Variants in GRID1 observed in about 807,000 individuals in gnomAD.
GRID1 encodes the protein glutamate ionotropic receptor delta type subunit 1.
GRID1 carries 28 observed loss-of-function variants against 98.0 expected under a neutral mutation model. That is an observed-to-expected ratio of 0.29 (90% CI 0.21 to 0.39). The LOEUF is 0.39. Ranked by LOEUF, GRID1 falls within the 10% of genes least tolerant of loss-of-function variation. The pLI is 1.00. For synonymous variants in GRID1, 553 were observed against 538.5 expected, an observed-to-expected ratio of 1.03 and a Z score of -0.37; for missense variants, 1,111 against 1,340.5, an observed-to-expected ratio of 0.83 and a Z score of 2.67.
chr10:85,720,759 A>C (rs535195283), intron 12 of GRID1, among the ~76,000 whole-genome samples: 62 of 152,292 alleles, frequency 4.1e-4, no homozygotes, highest in African/African-American at 1.5e-3. Flanking sequence ...TGTAAAATGC[A>C]AACGTTTTCA....
intron 8 of GRID1, among the ~76,000 whole-genome samples, chr10:85,853,037 G>A (rs924257803): frequency 1.3e-5 from 2 of 152,008 alleles, no homozygotes; most frequent in Admixed American, 6.6e-5. Context: ...CATCAGAGTG[G>A]GCTAAAAATC....
At chr10:85,880,302 G>T (rs1370902437) in intron 5 of GRID1, among the ~76,000 whole-genome samples, 10 of 152,010 alleles carry the variant, frequency 6.6e-5, no homozygotes, top group Admixed American at 6.6e-4. Flanking sequence ...TACCAAAGCT[G>T]GGCAGAGACA....
chr10:86,106,776 A>G (rs1347967824), intron 4 of GRID1, among the ~76,000 whole-genome samples: 1 of 152,148 alleles, frequency 6.6e-6, no homozygotes, highest in Non-Finnish European at 1.5e-5. Context: ...GCAGGACTGC[A>G]TGGCCGCTGG....
chr10:86,119,779 T>C (rs1844638986), intron 4 of GRID1, among the ~76,000 whole-genome samples: 2 of 152,012 alleles, frequency 1.3e-5, no homozygotes, highest in African/African-American at 4.8e-5. Context: ...TGGTTCCCAC[T>C]GTTGTGTTTT....
chr10:86,249,820 T>C (rs1457373721), intron 2 of GRID1, among the ~76,000 whole-genome samples: 4 of 152,202 alleles, frequency 2.6e-5, no homozygotes, highest in African/African-American at 9.7e-5. Flanking sequence ...CTCCCCACAA[T>C]AGAACCTTCC....
Position 86,195,076 on chromosome 10 carries a change from C to G in GRID1, c.520+11288G>C, listed in dbSNP as rs929373006. On this transcript the variant is annotated intron_variant, in intron 3 of 15. Coordinates refer to ENST00000327946, the MANE Select transcript of GRID1 (RefSeq NM_017551.3). The surrounding 1 kb of genome is among the most constrained non-coding windows in gnomAD (Gnocchi z 4.4). ...CCAGAACGCACAACCCTTGCTATGACCCGCTTCAAGTCTGGCCCAGAGGAA... is the reference window on the plus strand; with the variant it reads ...CCAGAACGCACAACCCTTGCTATGAGCCGCTTCAAGTCTGGCCCAGAGGAA... 1.3e-5 allele frequency among the ~76,000 whole-genome samples: 2 copies of G among 152,108 alleles called. No individual in the cohort carries two copies. Among genetic ancestry groups the G allele is most frequent in the South Asian group, 2.1e-4 (1 of 4,830 alleles).
At chr10:85,818,121 C>A (rs1842732340) in intron 8 of GRID1, among the ~76,000 whole-genome samples, 1 of 152,080 alleles carries the variant, frequency 6.6e-6, no homozygotes, top group African/African-American at 2.4e-5. Flanking sequence ...AAAGGTTGGA[C>A]AAATAAGTAA....
intron 8 of GRID1, among the ~76,000 whole-genome samples, chr10:85,850,828 C>T (rs1399939712): frequency 1.3e-5 from 2 of 152,170 alleles, no homozygotes; most frequent in Non-Finnish European, 2.9e-5. Context: ...TCTGAAGAAA[C>T]AAAGGTTCAG....
At chr10:86,130,298 G>A (rs1564684414) in intron 4 of GRID1, among the ~76,000 whole-genome samples, 1 of 152,236 alleles carries the variant, frequency 6.6e-6, no homozygotes, top group Non-Finnish European at 1.5e-5. Context: ...TACCAGTGAT[G>A]TAGACAGGAG....
intron 4 of GRID1, among the ~76,000 whole-genome samples, chr10:85,986,369 T>G (rs1265922353): frequency 6.6e-6 from 1 of 152,222 alleles, no homozygotes; most frequent in African/African-American, 2.4e-5. Context: ...ACTGGAGCAG[T>G]CAGTCCAAGA....
chr10:85,831,337 G>C (rs999993643), intron 8 of GRID1, among the ~76,000 whole-genome samples: 1 of 152,118 alleles, frequency 6.6e-6, no homozygotes, highest in African/African-American at 2.4e-5. Flanking sequence ...CAGGTACTAT[G>C]CTAATTACCT....
In GRID1 at chr10:85,752,790, T is replaced by A. The variant is rs187007862; in HGVS notation, c.1234-23176A>T. The stretch of plus-strand genomic sequence containing the variant: ...TTTCATATTGTAAGCTATGTTTGCC[T>A]TTATTAATATTTTCAATCTGTCCAT... On this transcript the variant is annotated intron_variant, in intron 8 of 15. Transcript: ENST00000327946. Among the ~76,000 whole-genome samples, 64 of 152,354 alleles carry A rather than the reference T, an allele frequency of 4.2e-4. 1 individual carries two copies. In the East Asian group the frequency reaches 9.2e-3, roughly 22 times the overall value.
Position 85,602,459 on chromosome 10 carries a change from G to T in GRID1, c.2844C>A (p.Ser948Arg), listed in dbSNP as rs1178334300. Reference protein sequence around the residue: ...GTSRTLSSGPSSNLPLPLSSS... With the variant: ...GTSRTLSSGPRSNLPLPLSSS... ...TGCTCAGCGGCAGCGGCAGGTTGCT[G>T]CTGGGCCCTGATGAGAGTGTCCGGC... Residue 948 changes from serine (S) to arginine (R), a missense_variant, in exon 16 of 16, where the codon AGC becomes AGA. Coordinates refer to ENST00000327946, the MANE Select transcript of GRID1 (RefSeq NM_017551.3). 2 of 1,614,174 alleles carry T rather than the reference G, an allele frequency of 1.2e-6. No homozygotes were observed. Among genetic ancestry groups the T allele is most frequent in the Non-Finnish European group, 8.5e-7 (1 of 1,180,042 alleles).
chr10:85,656,352 T>C (rs945476988), intron 12 of GRID1, among the ~76,000 whole-genome samples: 1 of 152,222 alleles, frequency 6.6e-6, no homozygotes, highest in African/African-American at 2.4e-5. Context: ...TCTCAGACTC[T>C]GAATTTTGGA....
chr10:86,310,438 G>C (rs549398199), intron 2 of GRID1, among the ~76,000 whole-genome samples: 86 of 152,250 alleles, frequency 5.6e-4, no homozygotes, highest in Non-Finnish European at 4.4e-5. Context: ...AGCCCTGTGT[G>C]GGGTAGAGGG....
chr10:85,676,369 G>A (rs1841145574), intron 12 of GRID1, among the ~76,000 whole-genome samples: 1 of 152,126 alleles, frequency 6.6e-6, no homozygotes, highest in Non-Finnish European at 1.5e-5. Context: ...AAATCTGTGG[G>A]GCCACTTGGA....
At chr10:86,360,711 CAT>C (rs781330607) in intron 2 of GRID1, among the ~76,000 whole-genome samples, 3 of 152,200 alleles carry the variant, frequency 2.0e-5, no homozygotes, top group Non-Finnish European at 4.4e-5. Flanking sequence ...ATGATTTACA[CAT>C]GTCTCATCTC....
At chr10:85,997,856 T>C (rs563448266) in intron 4 of GRID1, among the ~76,000 whole-genome samples, 1 of 152,200 alleles carries the variant, frequency 6.6e-6, no homozygotes, top group Admixed American at 6.5e-5. Flanking sequence ...ATAGGTAGAT[T>C]AATCATAAAA....
chr10:85,755,032 A>G (rs999181917), intron 8 of GRID1, among the ~76,000 whole-genome samples: 1 of 152,182 alleles, frequency 6.6e-6, no homozygotes, highest in Non-Finnish European at 1.5e-5. Flanking sequence ...TGGAATATGA[A>G]GCAGCCCGAT....
Sources: gnomAD v4.1 joint callset for allele counts (sites outside exome capture counted in the v4.1 genomes callset) on GRCh38, gnomAD v4.1.1 for gene constraint, Gnocchi (gnomAD v3.1) non-coding constraint, MANE v1.5 for transcripts, NCBI Gene and HGNC (gene_info 2026-07-23, HGNC 2026-07-21) for gene names.